KALRN: variants seen among roughly 807,000 people sequenced by gnomAD.
KALRN encodes the protein kalirin RhoGEF kinase, also known as kalirin.
A neutral mutation model predicts 353.7 loss-of-function variants in KALRN; 70 were observed. That is an observed-to-expected ratio of 0.20 (90% CI 0.16 to 0.24). The LOEUF (loss-of-function observed/expected upper bound fraction) is 0.24, where lower values mean the gene tolerates loss of function less well. Ranked by LOEUF, KALRN falls within the 10% of genes least tolerant of loss-of-function variation. The probability of loss-of-function intolerance (pLI) is 1.00; values close to 1 mark genes in which losing one functional copy is unlikely to be tolerated. For synonymous variants in KALRN, 1,391 were observed against 1,434.8 expected (o/e 0.97, Z 0.69); for missense variants, 2,791 against 3,756.7 (o/e 0.74, Z 6.72).
At chr3:124,693,444 G>A (rs2061917065) in intron 51 of KALRN, among the ~76,000 whole-genome samples, 1 of 152,152 alleles carries the variant, frequency 6.6e-6, no homozygotes, top group South Asian at 2.1e-4. Flanking sequence ...CACTGCTTGT[G>A]TGCATAATGA....
intron 33 of KALRN, among the ~76,000 whole-genome samples, chr3:124,521,132 G>C (rs533845326): frequency 6.6e-5 from 10 of 152,364 alleles, no homozygotes; most frequent in African/African-American, 2.4e-4. Flanking sequence ...GGTCTTTGCA[G>C]CACACATCCA....
intron 1 of KALRN, among the ~76,000 whole-genome samples, chr3:124,154,021 C>T (rs1417432777): frequency 6.6e-6 from 1 of 152,070 alleles, no homozygotes; most frequent in East Asian, 1.9e-4. Context: ...GATATTTGCC[C>T]TTTGTCAGAT....
At chr3:124,385,193 G>T (rs1264509388) in intron 11 of KALRN, among the ~76,000 whole-genome samples, 157 bp downstream of exon 11, 3 of 152,140 alleles carry the variant, frequency 2.0e-5, no homozygotes, top group Non-Finnish European at 4.4e-5. Flanking sequence ...CTGATAGCCT[G>T]CATTTAGGTC....
At chr3:124,500,271 C>G (rs1015424143) in intron 33 of KALRN, among the ~76,000 whole-genome samples, 7 of 152,184 alleles carry the variant, frequency 4.6e-5, no homozygotes, top group Admixed American at 4.6e-4. Flanking sequence ...AGTGTTCTAG[C>G]ATGTATTGAA....
chr3:124,411,676 C>T (rs1035792431), intron 13 of KALRN, among the ~76,000 whole-genome samples: 3 of 151,936 alleles, frequency 2.0e-5, no homozygotes, highest in Admixed American at 6.6e-5. Flanking sequence ...GAACTCCTGG[C>T]CTCAAGTGAT....
chr3:124,421,538 A>G (rs772888869), intron 14 of KALRN, among the ~76,000 whole-genome samples: 2 of 152,230 alleles, frequency 1.3e-5, no homozygotes, highest in Non-Finnish European at 2.9e-5. Flanking sequence ...ATGTAAATTC[A>G]TATTTTACAT....
In KALRN at chr3:124,491,312, C is replaced by A; in HGVS notation, c.4588-11C>A. On this transcript the variant is annotated splice_polypyrimidine_tract_variant and intron_variant, in intron 30 of 59. Coordinates refer to ENST00000682506, the MANE Select transcript of KALRN (RefSeq NM_001388419.1). ...CCTTCCCCGCCTCTCATAGGCATTT[C>A]CTGTCTACAGACCTCAGAGCTGGGT... The A allele has an allele frequency of 6.4e-7, 1 of 1,555,372 alleles. No individual in the cohort carries two copies. Among genetic ancestry groups the A allele is most frequent in the Non-Finnish European group, 8.7e-7 (1 of 1,148,420 alleles).
chr3:124,464,271 A>G (rs1577141607), intron 25 of KALRN, among the ~76,000 whole-genome samples: 1 of 152,130 alleles, frequency 6.6e-6, no homozygotes, highest in African/African-American at 2.4e-5. Flanking sequence ...ACGGAAGCCT[A>G]GAGATCACAG....
chr3:124,257,065 C>G (rs16847), intron 3 of KALRN, among the ~76,000 whole-genome samples: 94,401 of 152,116 alleles, frequency 0.62, 32,080 homozygotes, highest in Non-Finnish European at 0.75. Flanking sequence ...ACTGGAGAGA[C>G]CCTGAGGCCA....
rs572380455 is a variant in KALRN, at chr3:124,644,118, C to T, written c.5665-6690C>T. ...ACTTTGTATCCTTTGACCTACATGT[C>T]CCGGTTTCCTAGCTGCCTTCTCCAC... is the stretch of plus-strand genomic sequence containing the variant. On this transcript the variant is annotated intron_variant, in intron 37 of 59. Transcript: ENST00000682506. Among the ~76,000 whole-genome samples, 215 of 152,262 alleles carry T rather than the reference C, an allele frequency of 1.4e-3. 2 individuals carry two copies. The highest frequency in any genetic ancestry group is 5.0e-3 in the African/African-American group (207 of 41,548).
rs2039071213 is a variant in KALRN, at chr3:124,033,411, C to T, written c.-330C>T. On this transcript the variant is annotated 5_prime_UTR_variant, in exon 1 of 60. Transcript: ENST00000682506. The surrounding 1 kb of genome is among the most constrained non-coding windows in gnomAD (Gnocchi z 6.2). The stretch of plus-strand genomic sequence containing the variant: ...GGGCGAGCAGGAGAGCCAGCTGCCG[C>T]TGCTGGGGGACAGCGGGCGCCCAGG... Among the ~76,000 whole-genome samples, 1 of 151,792 alleles carries T rather than the reference C, an allele frequency of 6.6e-6. No individual in the cohort carries two copies.
chr3:124,297,032 A>C (rs1166562668), intron 5 of KALRN, among the ~76,000 whole-genome samples: 1 of 152,210 alleles, frequency 6.6e-6, no homozygotes, highest in African/African-American at 2.4e-5. Flanking sequence ...ATTATAATAA[A>C]GTTGTATCTG....
chr3:124,556,418 A>G lies in KALRN; in HGVS notation c.4936-6425A>G, dbSNP rs539329971. Reference sequence around the variant, plus strand: ...CACATTTGCTAAAAAAAAAATTATAATCAATTCAAGATAAAAGCACAGCAC... The same window carrying G: ...CACATTTGCTAAAAAAAAAATTATAGTCAATTCAAGATAAAAGCACAGCAC... On this transcript the variant is annotated intron_variant, in intron 33 of 59. Transcript: ENST00000682506. Among the ~76,000 whole-genome samples, 10 of 152,336 alleles carry G rather than the reference A, an allele frequency of 6.6e-5. No homozygotes were observed. The South Asian group carries it at 2.1e-3, about 32-fold the overall frequency.
intron 1 of KALRN, among the ~76,000 whole-genome samples, chr3:124,185,262 C>T (rs111423062): frequency 2.0e-5 from 3 of 152,172 alleles, no homozygotes; most frequent in African/African-American, 4.8e-5. Context: ...ACCATCTGCC[C>T]GTCTTGGCCT....
intron 23 of KALRN, among the ~76,000 whole-genome samples, chr3:124,459,316 G>A (rs572209): frequency 0.14 from 20,669 of 152,206 alleles, 1,511 homozygotes; most frequent in South Asian, 0.19. Context: ...CAAGAAGAGA[G>A]TAGAGGATGC....
intron 1 of KALRN, among the ~76,000 whole-genome samples, chr3:124,110,704 C>G (rs2062879066): frequency 6.6e-6 from 1 of 152,298 alleles, no homozygotes; most frequent in African/African-American, 2.4e-5. Context: ...TCTACCTTAA[C>G]AAAATGCTTA....
chr3:124,603,131 G>A (rs1487850274), intron 34 of KALRN, among the ~76,000 whole-genome samples: 1 of 152,148 alleles, frequency 6.6e-6, no homozygotes, highest in Non-Finnish European at 1.5e-5. Context: ...CTTAACACAA[G>A]CATTGCCTGG....
intron 34 of KALRN, among the ~76,000 whole-genome samples, chr3:124,578,768 A>G (rs1319732378): frequency 2.0e-5 from 1 of 49,912 alleles, no homozygotes; most frequent in Admixed American, 2.3e-4. Flanking sequence ...ACTCCATTTA[A>G]AAAAAAAAAA....
chr3:124,184,150 A>G (rs2073940446), intron 1 of KALRN, among the ~76,000 whole-genome samples: 1 of 152,206 alleles, frequency 6.6e-6, no homozygotes, highest in Admixed American at 6.5e-5. Flanking sequence ...GCATAGTGTG[A>G]GCACTTTGGC....
Sources: gnomAD v4.1 joint callset for allele counts (sites outside exome capture counted in the v4.1 genomes callset) on GRCh38, gnomAD v4.1.1 for gene constraint, Gnocchi (gnomAD v3.1) non-coding constraint, MANE v1.5 for transcripts, NCBI Gene and HGNC (gene_info 2026-07-23, HGNC 2026-07-21) for gene names.